Variants in GLRB observed in about 807,000 individuals in gnomAD.
GLRB encodes glycine receptor beta.
In GLRB, 33 loss-of-function variants were observed where a neutral mutation model predicts 54.2. That is an observed-to-expected ratio of 0.61 (90% CI 0.46 to 0.81). GLRB has a LOEUF of 0.81. GLRB is among the 40% of genes least tolerant of loss of function. GLRB has a pLI of 0.00. For missense variants in GLRB, 572 were observed against 584.6 expected (o/e 0.98, Z 0.22); for synonymous variants, 209 against 208.2 (o/e 1.00, Z -0.03).
At chr4:157,114,865 G>A (rs752442037) in intron 2 of GLRB, among the ~76,000 whole-genome samples, 8 of 151,614 alleles carry the variant, frequency 5.3e-5, no homozygotes, top group Non-Finnish European at 8.8e-5. Flanking sequence ...GACTTATCAC[G>A]GTTGAGGTTA....
At chr4:157,120,757 G>A in intron 3 of GLRB, 95 bp downstream of exon 3, 2 of 633,690 alleles carry the variant, frequency 3.2e-6, no homozygotes, top group Non-Finnish European at 2.9e-6. Flanking sequence ...TATGCTTTGT[G>A]ATATTCAAAA....
intron 2 of GLRB, among the ~76,000 whole-genome samples, chr4:157,108,068 A>G (rs574810296): frequency 7.2e-5 from 11 of 152,080 alleles, no homozygotes; most frequent in Non-Finnish European, 1.6e-4. Context: ...TAAACCCACT[A>G]TTGAGACCTA....
At chr4:157,146,776 G>A (rs1205087414) in intron 8 of GLRB, among the ~76,000 whole-genome samples, 2 of 151,814 alleles carry the variant, frequency 1.3e-5, no homozygotes, top group African/African-American at 4.8e-5. Flanking sequence ...AGCTGAGATT[G>A]CACTACTGCA....
Position 157,138,816 on chromosome 4 carries a change from C to G in GLRB, c.618C>G (p.Tyr206Ter). 2.0e-6 allele frequency: 3 copies of G among 1,524,084 alleles called. No homozygotes were observed. Among genetic ancestry groups the G allele is most frequent in the Non-Finnish European group, 2.7e-6 (3 of 1,100,020 alleles). 94.4% of individuals were successfully genotyped at this position (1,524,084 alleles called of 1,614,324 possible). ...ATTTGTTTTTGTTTATAGTTGGTTA[C>G]ACAACTGATGATTTACGATTTATCT... Reference protein sequence around the residue: ...RCKMQLESFGYTTDDLRFIWQ... With the variant: ...RCKMQLESFG The change falls in exon 7 of 10, where the codon TAC becomes TAG. Residue 206 changes from tyrosine to a stop codon, truncating the protein, a stop_gained. Coordinates refer to ENST00000264428, the MANE Select transcript of GLRB (RefSeq NM_000824.5). LOFTEE classifies it high-confidence loss of function.
chr4:157,095,316 A>G (rs994842503), intron 2 of GLRB, among the ~76,000 whole-genome samples: 1 of 152,060 alleles, frequency 6.6e-6, no homozygotes, highest in Admixed American at 6.5e-5. Flanking sequence ...AAAAAAAAAA[A>G]AAAAAGGTTT....
rs1737901015 is a variant in GLRB, at chr4:157,170,933, A to G, written c.*205A>G. ...TGCTCTAATAACGATGTATATATGT[A>G]TAGTGAACATATTGCTTAGTAACAA... On this transcript the variant is annotated 3_prime_UTR_variant, in exon 10 of 10. Coordinates refer to ENST00000264428, the MANE Select transcript of GLRB (RefSeq NM_000824.5). 6.5e-6 allele frequency: 3 copies of G among 460,234 alleles called. No homozygotes were observed. Among genetic ancestry groups the G allele is most frequent in the African/African-American group, 5.9e-5 (3 of 50,860 alleles). 28.5% of individuals were successfully genotyped at this position (460,234 alleles called of 1,614,324 possible). A position where few individuals can be genotyped will look rare whatever the true frequency, so the allele number is the denominator to read the frequency against.
In GLRB at chr4:157,120,744, G is replaced by A. The variant is rs3775724; in HGVS notation, c.229+82G>A. Reference sequence around the variant, plus strand: ...TTTAGAGATTTGTGATATTTTATATGTATATGCTTTGTGATATTCAAAACA... The same window carrying A: ...TTTAGAGATTTGTGATATTTTATATATATATGCTTTGTGATATTCAAAACA... On this transcript the variant is annotated intron_variant, in intron 3 of 9. Coordinates refer to ENST00000264428, the MANE Select transcript of GLRB (RefSeq NM_000824.5). 215,588 of 683,816 alleles carry A rather than the reference G, an allele frequency of 0.32. 36,054 individuals carry two copies. Among genetic ancestry groups the A allele is most frequent in the African/African-American group, 0.43 (23,733 of 55,062 alleles). 42.4% of individuals were successfully genotyped at this position (683,816 alleles called of 1,614,324 possible).
chr4:157,122,439 T>C (rs763153302), intron 4 of GLRB, 42 bp downstream of exon 4: 1 of 733,600 alleles, frequency 1.4e-6, no homozygotes, highest in Non-Finnish European at 2.4e-6. Flanking sequence ...AATATTTCAA[T>C]AGAGGAGATA....
intron 9 of GLRB, among the ~76,000 whole-genome samples, chr4:157,170,105 A>C (rs949534488): frequency 1.3e-4 from 20 of 152,128 alleles, no homozygotes; most frequent in African/African-American, 4.8e-4. Flanking sequence ...TGGAGCAAAA[A>C]TGGATGTTTA....
At chr4:157,103,107 G>T (rs983875136) in intron 2 of GLRB, among the ~76,000 whole-genome samples, 14 of 148,648 alleles carry the variant, frequency 9.4e-5, no homozygotes, top group Non-Finnish European at 1.8e-4. Flanking sequence ...CTGAGATCAC[G>T]CCACTGCACT....
At chr4:157,103,653 A>G (rs1229326938) in intron 2 of GLRB, among the ~76,000 whole-genome samples, 1 of 152,084 alleles carries the variant, frequency 6.6e-6, no homozygotes, top group Non-Finnish European at 1.5e-5. Context: ...GCATTTAACA[A>G]TATTAAGCCT....
intron 2 of GLRB, among the ~76,000 whole-genome samples, chr4:157,111,756 A>G (rs1735427444): frequency 2.0e-5 from 3 of 151,896 alleles, no homozygotes; most frequent in Non-Finnish European, 4.4e-5. Flanking sequence ...ATAGAGTCAT[A>G]TGCAGTCCCT....
chr4:157,101,512 A>C (rs541926265), intron 2 of GLRB, among the ~76,000 whole-genome samples: 48 of 151,736 alleles, frequency 3.2e-4, no homozygotes, highest in South Asian at 1.0e-3. Flanking sequence ...TTGCCATTTC[A>C]CTCCACTTCT....
intron 8 of GLRB, 129 bp from the exon 9 acceptor site, chr4:157,152,589 T>C: frequency 1.3e-6 from 1 of 788,502 alleles, no homozygotes; most frequent in South Asian, 1.4e-5. Context: ...CTTTGAGCTT[T>C]AAGGGGACCT....
chr4:157,130,891 A>G (rs1736190432), intron 4 of GLRB, among the ~76,000 whole-genome samples: 1 of 151,748 alleles, frequency 6.6e-6, no homozygotes. Flanking sequence ...ATGCACTAAT[A>G]AGGGAACCAA....
intron 2 of GLRB, among the ~76,000 whole-genome samples, chr4:157,115,957 T>G (rs1735593739): frequency 6.6e-6 from 1 of 151,748 alleles, no homozygotes; most frequent in Non-Finnish European, 1.5e-5. Flanking sequence ...TCCTTTAGAC[T>G]CAGATTTCTA....
chr4:157,144,793 C>A (rs1736747286), intron 8 of GLRB, among the ~76,000 whole-genome samples: 2 of 152,182 alleles, frequency 1.3e-5, no homozygotes, highest in Non-Finnish European at 2.9e-5. Flanking sequence ...TTGTGCAAAT[C>A]TCTCTCCTGA....
intron 2 of GLRB, among the ~76,000 whole-genome samples, chr4:157,091,842 T>C (rs1734630112): frequency 6.6e-6 from 1 of 151,154 alleles, no homozygotes; most frequent in Non-Finnish European, 1.5e-5. Context: ...GTCTATTCTT[T>C]AACTTCTTCC....
chr4:157,158,098 C>A (rs968330866), intron 9 of GLRB, among the ~76,000 whole-genome samples: 6 of 152,138 alleles, frequency 3.9e-5, no homozygotes, highest in Non-Finnish European at 5.9e-5. Context: ...TTATGATGAG[C>A]ATTTTTTCAT....
Sources: gnomAD v4.1 joint callset for allele counts (sites outside exome capture counted in the v4.1 genomes callset) on GRCh38, gnomAD v4.1.1 for gene constraint, MANE v1.5 for transcripts, NCBI Gene and HGNC (gene_info 2026-07-23, HGNC 2026-07-21) for gene names.